The following ZC4H2 variants were observed in gnomAD, a reference collection of about 807,000 sequenced individuals.
ZC4H2 encodes the protein zinc finger C4H2 domain-containing protein.
For synonymous variants in ZC4H2, 84 were observed against 66.3 expected (o/e 1.27, Z -1.30); for missense variants, 137 against 173.9 (o/e 0.79, Z 1.19).
Position 64,995,777 on chromosome X carries a change from G to C in ZC4H2, c.-272+38852C>G, listed in dbSNP as rs150909166. ...CATGCAAACTATTTTCTAACTGTCTGGGGGCTGCCTGAAGGAATGATGCAA... is the reference window on the plus strand; with the variant it reads ...CATGCAAACTATTTTCTAACTGTCTCGGGGCTGCCTGAAGGAATGATGCAA... On this transcript the variant is annotated intron_variant, in intron 1 of 4. Transcript: ENST00000337990. 2.4e-3 allele frequency among the ~76,000 whole-genome samples: 266 copies of C among 112,335 alleles called. 2 individuals carry two copies. The highest frequency in any genetic ancestry group is 8.3e-3 in the African/African-American group (258 of 30,939).
chrX:65,034,176 G>A (rs2147301111), intron 1 of ZC4H2, among the ~76,000 whole-genome samples: 1 of 111,136 alleles, frequency 9.0e-6, no homozygotes, highest in East Asian at 2.8e-4. Flanking sequence ...TAATTTCAAA[G>A]CCCATTCTCT....
At chrX:65,026,626 G>A (rs1039075288) in intron 1 of ZC4H2, among the ~76,000 whole-genome samples, 12 of 110,321 alleles carry the variant, frequency 1.1e-4, no homozygotes, top group Non-Finnish European at 1.9e-4. Flanking sequence ...GGAGAATGGC[G>A]TGAACCCGGG....
chrX:64,980,756 T>G (rs776407441), upstream of ZC4H2, among the ~76,000 whole-genome samples: 1 of 111,266 alleles, frequency 9.0e-6, no homozygotes, highest in Non-Finnish European at 1.9e-5. Context: ...TTAGAGAGTC[T>G]GCCTCCAGAA....
At chrX:65,029,140 A>C (rs773483093) in intron 1 of ZC4H2, among the ~76,000 whole-genome samples, 9 of 111,388 alleles carry the variant, frequency 8.1e-5, no homozygotes, top group Non-Finnish European at 1.7e-4. Flanking sequence ...GTGTCCATGA[A>C]AGTTACATAA....
chrX:65,013,521 C>A (rs1932778248), intron 1 of ZC4H2, among the ~76,000 whole-genome samples: 1 of 111,312 alleles, frequency 9.0e-6, no homozygotes, highest in Non-Finnish European at 1.9e-5. Context: ...AGCTTGCAGG[C>A]CTTGATAAAA....
chrX:64,922,486 G>T (rs914597559), intron 1 of ZC4H2, among the ~76,000 whole-genome samples: 1 of 111,050 alleles, frequency 9.0e-6, no homozygotes, highest in African/African-American at 3.3e-5. Flanking sequence ...AGCTCAGTGG[G>T]TCTCGAATGG....
chrX:65,017,916 GCTAA>G (rs1214544225), intron 1 of ZC4H2, among the ~76,000 whole-genome samples: 3 of 112,044 alleles, frequency 2.7e-5, no homozygotes, highest in African/African-American at 6.5e-5. Flanking sequence ...GTCAATTTGT[GCTAA>G]CTGTGTAGTG....
intron 1 of ZC4H2, among the ~76,000 whole-genome samples, chrX:65,030,862 G>A (rs1263334986): frequency 9.0e-6 from 1 of 111,274 alleles, no homozygotes; most frequent in South Asian, 3.8e-4. Flanking sequence ...TCTGCCTTTA[G>A]CAAGATTTCC....
At chrX:64,961,886 A>T (rs764665815) in intron 1 of ZC4H2, among the ~76,000 whole-genome samples, 12 of 111,626 alleles carry the variant, frequency 1.1e-4, no homozygotes, top group Non-Finnish European at 1.9e-4. Context: ...AAATCTGAAT[A>T]GACCTGTAGT....
At chrX:64,979,252 G>A, upstream of ZC4H2, among the ~76,000 whole-genome samples, 1 of 111,757 alleles carries the variant, frequency 8.9e-6, no homozygotes, top group Non-Finnish European at 1.9e-5. Context: ...CTACCATGGG[G>A]CCTGAATGCC....
rs191369838 is a variant in ZC4H2 at position 64,942,940 on chromosome X, C to G, written c.54-20952G>C. 1.5e-4 allele frequency among the ~76,000 whole-genome samples: 17 copies of G among 112,069 alleles called. No homozygotes were observed. The East Asian group carries it at 4.8e-3, about 32-fold the overall frequency. On this transcript the variant is annotated intron_variant, in intron 1 of 4. Transcript: ENST00000374839. ...CAAGGGTTGAACTAATTTACACTCC[C>G]ACCAACAGTGTAAAAGTGTTCCTAT...
chrX:64,988,489 T>A (rs888813837), intron 1 of ZC4H2, among the ~76,000 whole-genome samples: 2 of 112,202 alleles, frequency 1.8e-5, no homozygotes, highest in Non-Finnish European at 3.8e-5. Flanking sequence ...TGGCCAGTGA[T>A]GATGAGCAAT....
intron 1 of ZC4H2, among the ~76,000 whole-genome samples, chrX:64,961,740 A>G (rs1053037181): frequency 9.0e-6 from 1 of 111,537 alleles, no homozygotes; most frequent in African/African-American, 3.2e-5. Context: ...ATGACACACT[A>G]CAACTGATGC....
chrX:65,029,989 T>C (rs997098045), intron 1 of ZC4H2, among the ~76,000 whole-genome samples: 1 of 112,133 alleles, frequency 8.9e-6, no homozygotes, highest in Admixed American at 9.4e-5. Flanking sequence ...GTCATAGTGA[T>C]GTTCTTCAGA....
chrX:64,983,972 CTTGT>C (rs1391739429), intron 1 of ZC4H2, among the ~76,000 whole-genome samples: 2 of 111,393 alleles, frequency 1.8e-5, no homozygotes, highest in Non-Finnish European at 3.8e-5. Flanking sequence ...GGTACATGTG[CTTGT>C]TTGTTACATG....
chrX:64,998,313 A>T (rs922209013), intron 1 of ZC4H2, among the ~76,000 whole-genome samples: 5 of 112,277 alleles, frequency 4.5e-5, no homozygotes, highest in Admixed American at 3.8e-4. Flanking sequence ...GAAAATGAAA[A>T]GATGGAAAAT....
chrX:65,027,323 T>C (rs1350285197), intron 1 of ZC4H2, among the ~76,000 whole-genome samples: 2 of 111,222 alleles, frequency 1.8e-5, no homozygotes, highest in African/African-American at 3.3e-5. Flanking sequence ...TTTGGTAAGG[T>C]TTGCATTTTT....
At chrX:64,976,890 T>A (rs1397721723), upstream of ZC4H2, among the ~76,000 whole-genome samples, 2 of 88,336 alleles carry the variant, frequency 2.3e-5, no homozygotes, top group South Asian at 1.5e-3. Context: ...TGCTAGCTGC[T>A]GCCTGGGGAC....
intron 1 of ZC4H2, among the ~76,000 whole-genome samples, chrX:64,946,728 C>A (rs1227362478): frequency 9.0e-6 from 1 of 111,076 alleles, no homozygotes; most frequent in Non-Finnish European, 1.9e-5. Flanking sequence ...ACCAGGGATT[C>A]ATCTCAGGAG....
Sources: gnomAD v4.1 joint callset for allele counts (sites outside exome capture counted in the v4.1 genomes callset) on GRCh38, gnomAD v4.1.1 for gene constraint, MANE v1.5 for transcripts, NCBI Gene and HGNC (gene_info 2026-07-23, HGNC 2026-07-21) for gene names.